Variants in ZNF385D observed in about 807,000 individuals in gnomAD.
ZNF385D encodes zinc finger protein 385D.
Under a neutral mutation model 35.8 loss-of-function variants are expected in ZNF385D, and 15 were observed. The observed-to-expected ratio is 0.42, with a 90% confidence interval of 0.28 to 0.64. The LOEUF (loss-of-function observed/expected upper bound fraction) is 0.64, where lower values mean the gene tolerates loss of function less well. Ranked by LOEUF, ZNF385D falls within the 30% of genes least tolerant of loss-of-function variation. The probability of loss-of-function intolerance (pLI) is 0.23; values close to 1 mark genes in which losing one functional copy is unlikely to be tolerated. For synonymous variants in ZNF385D, 212 were observed against 186.8 expected (o/e 1.13, Z -1.10); for missense variants, 474 against 494.6 (o/e 0.96, Z 0.39).
At chr3:21,474,129 T>G (rs1449242694) in intron 4 of ZNF385D, among the ~76,000 whole-genome samples, 2 of 151,764 alleles carry the variant, frequency 1.3e-5, no homozygotes, top group African/African-American at 4.8e-5. Context: ...TTTTTTTTAA[T>G]GGATTGATGT....
At chr3:21,934,861 T>C (rs1230000868) in intron 3 of ZNF385D, among the ~76,000 whole-genome samples, 2 of 152,338 alleles carry the variant, frequency 1.3e-5, no homozygotes, top group Non-Finnish European at 2.9e-5. Context: ...TTTTTTCACA[T>C]TGATTCACCA....
At chr3:21,980,018 C>A (rs1694336792) in intron 3 of ZNF385D, among the ~76,000 whole-genome samples, 2 of 152,086 alleles carry the variant, frequency 1.3e-5, no homozygotes, top group South Asian at 4.1e-4. Flanking sequence ...CAAGACTAGG[C>A]CATAAAAGGC....
intron 3 of ZNF385D, among the ~76,000 whole-genome samples, chr3:22,158,441 A>G (rs894759384): frequency 6.6e-6 from 1 of 151,942 alleles, no homozygotes; most frequent in African/African-American, 2.4e-5. Context: ...TCTTCCAGAA[A>G]TCCCTCACTA....
intron 2 of ZNF385D, among the ~76,000 whole-genome samples, chr3:22,331,984 T>G (rs1694955832): frequency 6.6e-6 from 1 of 152,110 alleles, no homozygotes; most frequent in African/African-American, 2.4e-5. Context: ...ACTTGAAACT[T>G]AATAGTTTCA....
intron 3 of ZNF385D, among the ~76,000 whole-genome samples, chr3:22,028,884 G>T (rs887403654): frequency 6.6e-6 from 1 of 152,090 alleles, no homozygotes; most frequent in South Asian, 2.1e-4. Flanking sequence ...TTGCAGGGCT[G>T]GGGCAAAGTT....
At chr3:21,875,596 G>T (rs1697922507) in intron 3 of ZNF385D, among the ~76,000 whole-genome samples, 1 of 152,032 alleles carries the variant, frequency 6.6e-6, no homozygotes, top group African/African-American at 2.4e-5. Flanking sequence ...ATACTCCAGT[G>T]CAAAATGGTC....
chr3:21,709,409 C>A (rs76027515), intron 1 of ZNF385D, among the ~76,000 whole-genome samples: 1 of 152,108 alleles, frequency 6.6e-6, no homozygotes, highest in Non-Finnish European at 1.5e-5. Flanking sequence ...CCCTCTCTAA[C>A]CCTAAGGTGA....
chr3:22,322,133 T>C (rs946110474), intron 2 of ZNF385D, among the ~76,000 whole-genome samples: 4 of 152,308 alleles, frequency 2.6e-5, no homozygotes, highest in Middle Eastern at 3.4e-3. Flanking sequence ...TTCACACTTT[T>C]ATATCATATT....
intron 3 of ZNF385D, among the ~76,000 whole-genome samples, chr3:22,069,590 G>C (rs574181154): frequency 2.0e-5 from 3 of 152,272 alleles, no homozygotes; most frequent in African/African-American, 7.2e-5. Flanking sequence ...CTGTGTTTTA[G>C]AATGGTATCT....
At chr3:22,337,380 A>G (rs1390605436) in intron 2 of ZNF385D, among the ~76,000 whole-genome samples, 5 of 152,126 alleles carry the variant, frequency 3.3e-5, no homozygotes, top group Non-Finnish European at 7.4e-5. Context: ...CTAAAAATAC[A>G]AAGTTTAGCT....
At chr3:21,647,807 T>C (rs1170546471) in intron 2 of ZNF385D, among the ~76,000 whole-genome samples, 1 of 152,224 alleles carries the variant, frequency 6.6e-6, no homozygotes, top group East Asian at 1.9e-4. Context: ...TGTGCTATAA[T>C]ATTATATGTC....
intron 3 of ZNF385D, among the ~76,000 whole-genome samples, chr3:21,873,377 G>C (rs1697796478): frequency 6.6e-6 from 1 of 152,130 alleles, no homozygotes; most frequent in Admixed American, 6.6e-5. Flanking sequence ...CACACAGGAA[G>C]TGGCATAGCC....
chr3:22,314,787 T>C (rs894114926), intron 2 of ZNF385D, among the ~76,000 whole-genome samples: 33 of 152,168 alleles, frequency 2.2e-4, no homozygotes, highest in African/African-American at 7.2e-4. Flanking sequence ...TTTATCTTTA[T>C]ACCAAACATC....
chr3:21,949,190 T>C (rs371555375), intron 3 of ZNF385D, among the ~76,000 whole-genome samples: 1 of 152,230 alleles, frequency 6.6e-6, no homozygotes, highest in Non-Finnish European at 1.5e-5. Flanking sequence ...ATAAGAATTC[T>C]TAGGGAAACA....
intron 1 of ZNF385D, among the ~76,000 whole-genome samples, chr3:21,681,689 A>T (rs9831136): frequency 0.023 from 1,899 of 83,202 alleles, 39 homozygotes; most frequent in African/African-American, 0.067. Context: ...AAGAATGATA[A>T]AAAAAAACGA....
intron 4 of ZNF385D, among the ~76,000 whole-genome samples, chr3:21,470,099 T>C (rs1365440347): frequency 6.6e-6 from 1 of 152,226 alleles, no homozygotes; most frequent in African/African-American, 2.4e-5. Flanking sequence ...TTTTTCCCCG[T>C]GGAAAAGTAC....
rs1287837812 is a variant in ZNF385D at position 21,583,951 on chromosome 3, C to CTTATTTATTTATTTATTTAT, written c.166-19268_166-19267insATAAATAAATAAATAAATAA. ...TATACTTACACATGTATTTATTTTACTTATTTACTTATTTATTTATTTATT... is the reference window on the plus strand; with the variant it reads ...TATACTTACACATGTATTTATTTTACTTATTTATTTATTTATTTATTTATTTACTTATTTATTTATTTATT... On this transcript the variant is annotated intron_variant, in intron 2 of 7. Transcript: ENST00000281523. 4.7e-3 allele frequency among the ~76,000 whole-genome samples: 628 copies of CTTATTTATTTATTTATTTAT among 132,918 alleles called. 1 individual carries two copies. Among genetic ancestry groups the CTTATTTATTTATTTATTTAT allele is most frequent in the Non-Finnish European group, 7.3e-3 (439 of 59,828 alleles). The allele number at this position is 132,918 out of a possible 152,430, so 87.2% of individuals were successfully genotyped here.
intron 3 of ZNF385D, among the ~76,000 whole-genome samples, chr3:21,538,227 A>G (rs543760864): frequency 6.6e-6 from 1 of 152,190 alleles, no homozygotes; most frequent in African/African-American, 2.4e-5. Context: ...ATATTGAGTG[A>G]GCAGGCAAAT....
At chr3:21,778,271 C>G (rs1303961860) in intron 3 of ZNF385D, among the ~76,000 whole-genome samples, 1 of 151,876 alleles carries the variant, frequency 6.6e-6, no homozygotes, top group Non-Finnish European at 1.5e-5. Flanking sequence ...CATTTACTGG[C>G]TTTTAAAGAA....
Sources: gnomAD v4.1 joint callset for allele counts (sites outside exome capture counted in the v4.1 genomes callset) on GRCh38, gnomAD v4.1.1 for gene constraint, MANE v1.5 for transcripts, NCBI Gene and HGNC (gene_info 2026-07-23, HGNC 2026-07-21) for gene names.